RYR3: variants seen among roughly 807,000 people sequenced by gnomAD.
RYR3 encodes ryanodine receptor 3.
A neutral mutation model predicts 584.3 loss-of-function variants in RYR3; 207 were observed. The observed-to-expected ratio is 0.35, with a 90% CI of 0.32 to 0.40. The LOEUF (loss-of-function observed/expected upper bound fraction) is 0.40, where lower values mean the gene tolerates loss of function less well. Among genes scored for constraint, RYR3 ranks in the 10% least tolerant of loss-of-function variants. RYR3 has a pLI of 1.00. For synonymous variants in RYR3, 2,416 were observed against 2,248.5 expected, an observed-to-expected ratio of 1.07 and a Z score of -2.11; for missense variants, 5,616 against 6,089.2, an observed-to-expected ratio of 0.92 and a Z score of 2.59.
At chr15:33,857,334 C>T (rs1284352115) in intron 98 of RYR3, among the ~76,000 whole-genome samples, 3 of 152,114 alleles carry the variant, frequency 2.0e-5, no homozygotes, top group Non-Finnish European at 4.4e-5. Flanking sequence ...CGTCCCTTCA[C>T]GTGTGCCTGT....
At chr15:33,641,793 C>G (rs1392870865) in intron 27 of RYR3, among the ~76,000 whole-genome samples, 1 of 152,204 alleles carries the variant, frequency 6.6e-6, no homozygotes, top group Non-Finnish European at 1.5e-5. Context: ...GTTACCCTGT[C>G]TTTTCCCATG....
At chr15:33,540,940 G>A in intron 7 of RYR3, 50 bp downstream of exon 7, 1 of 1,193,268 alleles carries the variant, frequency 8.4e-7, no homozygotes, top group Non-Finnish European at 1.3e-6. Flanking sequence ...TCTCTCTTGA[G>A]CTGTATACAT....
chr15:33,617,028 G>T (rs2060483741), intron 19 of RYR3, among the ~76,000 whole-genome samples: 1 of 152,194 alleles, frequency 6.6e-6, no homozygotes. Flanking sequence ...AAACCCAGCA[G>T]TTCTTCTCTG....
chr15:33,637,079 G>T lies in RYR3; in HGVS notation c.3556+529G>T, dbSNP rs527600266. ...CACACTGTGAAACCCAACCAGAGTT[G>T]CATTTTTTAATGTCCATGAATAGAC... is the stretch of plus-strand genomic sequence containing the variant. On this transcript the variant is annotated intron_variant, in intron 27 of 103. Transcript: ENST00000634891. Among the ~76,000 whole-genome samples, 7 of 152,326 alleles carry T rather than the reference G, an allele frequency of 4.6e-5. No individual in the cohort carries two copies. The South Asian group carries it at 1.5e-3, about 32-fold the overall frequency.
intron 45 of RYR3, 80 bp from the exon 46 acceptor site, chr15:33,726,306 C>A (rs1439583476): frequency 1.9e-6 from 3 of 1,540,890 alleles, no homozygotes; most frequent in Non-Finnish European, 1.8e-6. Context: ...AGCCGTTTTA[C>A]TGCCAGAGGT....
chr15:33,631,286 C>T lies in RYR3; in HGVS notation c.2860C>T (p.Pro954Ser), dbSNP rs746207106. 7.6e-6 allele frequency: 12 copies of T among 1,577,050 alleles called. No individual in the cohort carries two copies. The highest frequency in any genetic ancestry group is 7.3e-5 in the Admixed American group (4 of 54,832). Residue 954 changes from proline (P) to serine (S), a missense_variant, in exon 23 of 104, where the codon CCC becomes TCC. Around this residue, in one of 9 missense-constraint regions of RYR3, gnomAD observed 1,284 missense variants for 1,344.6 expected, o/e 0.95. Transcript: ENST00000634891. ...GGAGGATCTCAAGAAGGTCAAACTG[C>T]CCAAAAAGTAGGTGATTTTTTTTTT... ...AEEDLKKVKL[P>S]KNYMMSNGYK...
chr15:33,477,575 T>TAAAAAAAAAA (rs3084422), intron 2 of RYR3, among the ~76,000 whole-genome samples: 31 of 116,428 alleles, frequency 2.7e-4, no homozygotes, highest in Non-Finnish European at 4.1e-4. Context: ...CTTGTTTTGT[T>TAAAAAAAAAA]AAAAAAAAAA....
chr15:33,511,599 C>T (rs1236540242), intron 3 of RYR3, among the ~76,000 whole-genome samples: 1 of 134,338 alleles, frequency 7.4e-6, no homozygotes, highest in African/African-American at 2.9e-5. Context: ...CTTTGTGTCT[C>T]TGCAATTAAA....
At chr15:33,330,780 C>G (rs1259148488) in intron 1 of RYR3, among the ~76,000 whole-genome samples, 1 of 152,154 alleles carries the variant, frequency 6.6e-6, no homozygotes. Context: ...CCAGGGTTAT[C>G]AATCCCCTTC....
chr15:33,579,801 C>T (rs1435945286), intron 12 of RYR3, among the ~76,000 whole-genome samples, 175 bp from the exon 13 acceptor site: 1 of 152,096 alleles, frequency 6.6e-6, no homozygotes, highest in Non-Finnish European at 1.5e-5. Context: ...TGAATATTTC[C>T]TTCTGTTGCT....
chr15:33,409,744 A>G (rs1419721012), intron 1 of RYR3, among the ~76,000 whole-genome samples: 4 of 152,212 alleles, frequency 2.6e-5, no homozygotes, highest in African/African-American at 7.2e-5. Context: ...GGAGTTGCCC[A>G]CTTCTGGAGT....
chr15:33,708,610 C>T (rs998813226), intron 43 of RYR3, among the ~76,000 whole-genome samples: 1 of 152,106 alleles, frequency 6.6e-6, no homozygotes, highest in Admixed American at 6.5e-5. Flanking sequence ...CAAACTGGCC[C>T]ATCAATAGAA....
chr15:33,483,114 G>A (rs982510588), intron 2 of RYR3, among the ~76,000 whole-genome samples: 8 of 151,972 alleles, frequency 5.3e-5, no homozygotes, highest in Admixed American at 4.6e-4. Context: ...AAAGTTTGCA[G>A]TTGTTTATTT....
intron 18 of RYR3, among the ~76,000 whole-genome samples, chr15:33,605,265 G>A (rs867509755): frequency 1.3e-5 from 2 of 152,138 alleles, no homozygotes; most frequent in African/African-American, 2.4e-5. Context: ...CCCATTCATG[G>A]TGCATCCATA....
chr15:33,657,796 ATG>A (rs572235399), intron 32 of RYR3, among the ~76,000 whole-genome samples: 3 of 152,230 alleles, frequency 2.0e-5, no homozygotes, highest in Non-Finnish European at 4.4e-5. Context: ...TTTACCTGAA[ATG>A]TGAGGCCACT....
chr15:33,446,725 A>G (rs1206039816), intron 1 of RYR3, among the ~76,000 whole-genome samples: 1 of 152,232 alleles, frequency 6.6e-6, no homozygotes, highest in Non-Finnish European at 1.5e-5. Context: ...TCAACATATG[A>G]ATTTTGGAGA....
intron 12 of RYR3, among the ~76,000 whole-genome samples, chr15:33,569,926 T>A (rs2057931133): frequency 1.3e-5 from 2 of 152,196 alleles, no homozygotes; most frequent in South Asian, 4.1e-4. Context: ...TTTGCCTTTT[T>A]AAGTTGGGTC....
At chr15:33,422,810 T>A (rs545332831) in intron 1 of RYR3, among the ~76,000 whole-genome samples, 2 of 152,302 alleles carry the variant, frequency 1.3e-5, no homozygotes, top group African/African-American at 4.8e-5. Context: ...AGTTTAAATA[T>A]TAGCCTGCAG....
chr15:33,692,012 G>T (rs1405921948), intron 38 of RYR3, among the ~76,000 whole-genome samples: 4 of 152,174 alleles, frequency 2.6e-5, no homozygotes, highest in African/African-American at 9.7e-5. Context: ...GGCCCCCAGG[G>T]CTCTGCAGAT....
Sources: allele counts gnomAD v4.1 joint callset (sites outside exome capture counted in the v4.1 genomes callset), GRCh38; gene constraint gnomAD v4.1.1; regional missense constraint gnomAD v4.1.1; transcripts MANE v1.5; gene names NCBI Gene and HGNC (gene_info 2026-07-23, HGNC 2026-07-21).